The following KANSL1 variants were observed in gnomAD, a reference collection of about 807,000 sequenced individuals.
KANSL1 encodes the protein KAT8 regulatory NSL complex subunit 1.
In KANSL1, 22 loss-of-function variants were observed where a neutral mutation model predicts 103.6. The ratio of observed to expected loss-of-function variants is 0.21; its 90% confidence interval spans 0.15 to 0.30. The LOEUF (loss-of-function observed/expected upper bound fraction) is 0.30, where lower values mean the gene tolerates loss of function less well. Among genes scored for constraint, KANSL1 ranks in the 10% least tolerant of loss-of-function variants. The probability of loss-of-function intolerance (pLI) is 1.00; values close to 1 mark genes in which losing one functional copy is unlikely to be tolerated. For missense variants in KANSL1, 1,337 were observed against 1,399.8 expected (o/e 0.96, Z 0.72); for synonymous variants, 600 against 527.6 (o/e 1.14, Z -1.88).
At chr17:46,200,202 G>C (rs1176055549) in intron 1 of KANSL1, among the ~76,000 whole-genome samples, 1 of 152,212 alleles carries the variant, frequency 6.6e-6, no homozygotes, top group Non-Finnish European at 1.5e-5. Context: ...TGATTTTGCA[G>C]ATTAAGCAAT....
chr17:46,075,980 CAAG>C (rs2078752272), intron 4 of KANSL1, among the ~76,000 whole-genome samples: 1 of 152,166 alleles, frequency 6.6e-6, no homozygotes, highest in East Asian at 1.9e-4. Context: ...GTTGGAAGAA[CAAG>C]AAGCACTCAA....
In KANSL1 at chr17:46,031,582, T is replaced by C. The variant is rs1281406734; in HGVS notation, c.3212A>G (p.Lys1071Arg). 2 of 1,614,142 alleles carry C rather than the reference T, an allele frequency of 1.2e-6. No individual in the cohort carries two copies. Among genetic ancestry groups the C allele is most frequent in the Admixed American group, 3.3e-5 (2 of 60,022 alleles). Residue 1071 changes from lysine (K) to arginine (R), a missense_variant, in exon 15 of 15, where the codon AAG becomes AGG. Around this residue, in one of 2 missense-constraint regions of KANSL1, gnomAD observed 780 missense variants for 923.4 expected, o/e 0.84. Transcript: ENST00000432791. ...CGCTGCCTCTGTCTCCCGGCCAGTC[T>C]TGCTGCCTGAGGTGCGTCGAGTGCA... Reference protein sequence around the residue: ...ARCTRRTSGSKTGRETEAAPT... With the variant: ...ARCTRRTSGSRTGRETEAAPT...
At chr17:46,061,780 A>C (rs1176819002) in intron 6 of KANSL1, among the ~76,000 whole-genome samples, 2 of 152,162 alleles carry the variant, frequency 1.3e-5, no homozygotes, top group Non-Finnish European at 2.9e-5. Flanking sequence ...CTCTTGTGCC[A>C]ATCCATCCCA....
intron 7 of KANSL1, chr17:46,043,400 A>G (rs1222457094): frequency 2.6e-5 from 4 of 152,198 alleles, no homozygotes; most frequent in Non-Finnish European, 5.9e-5. Flanking sequence ...TCCTGGTTCT[A>G]TCTCGAGTAG....
chr17:46,194,152 A>G (rs1425609708), upstream of KANSL1, among the ~76,000 whole-genome samples: 1 of 152,102 alleles, frequency 6.6e-6, no homozygotes, highest in African/African-American at 2.4e-5. Context: ...AGGGGAAGTG[A>G]TGGCCCCGCC....
intron 2 of KANSL1, among the ~76,000 whole-genome samples, chr17:46,111,570 A>C (rs749486193): frequency 1.3e-5 from 2 of 152,246 alleles, no homozygotes; most frequent in Admixed American, 6.5e-5. Context: ...TTATACAACA[A>C]GTATAATCAA....
At chr17:46,090,636 T>C (rs905469331) in intron 3 of KANSL1, among the ~76,000 whole-genome samples, 4 of 152,258 alleles carry the variant, frequency 2.6e-5, no homozygotes, top group Admixed American at 6.5e-5. Context: ...CAAGTCCAAG[T>C]ATGGTGCTTA....
chr17:46,089,398 C>CTT (rs377351806), intron 3 of KANSL1, among the ~76,000 whole-genome samples: 69 of 145,374 alleles, frequency 4.7e-4, no homozygotes, highest in Non-Finnish European at 7.7e-4. Flanking sequence ...GTCACAAATA[C>CTT]TTTTTTTTTT....
intron 2 of KANSL1, among the ~76,000 whole-genome samples, chr17:46,117,815 GAC>G (rs2043109690): frequency 1.3e-5 from 2 of 152,130 alleles, no homozygotes; most frequent in South Asian, 4.1e-4. Flanking sequence ...AACTCAAAAA[GAC>G]ACAAAGATTT....
intron 2 of KANSL1, among the ~76,000 whole-genome samples, chr17:46,158,035 C>CT (rs887386803): frequency 6.6e-6 from 1 of 152,232 alleles, no homozygotes; most frequent in Non-Finnish European, 1.5e-5. Context: ...AACCCCAGAT[C>CT]TTTTTGTTAT....
chr17:46,191,392 G>A (rs904394349), intron 1 of KANSL1, among the ~76,000 whole-genome samples: 28 of 152,212 alleles, frequency 1.8e-4, no homozygotes, highest in Non-Finnish European at 3.4e-4. Flanking sequence ...GCTAGAAAAG[G>A]AACCAAGTAG....
chr17:46,183,771 C>A (rs2732587), intron 1 of KANSL1, among the ~76,000 whole-genome samples: 3 of 151,832 alleles, frequency 2.0e-5, no homozygotes, highest in Non-Finnish European at 4.4e-5. Context: ...GCCAACACAG[C>A]GAAACCCCGT....
chr17:46,043,990 T>TTAAAA (rs1555735841), intron 7 of KANSL1: 3 of 131,008 alleles, frequency 2.3e-5, no homozygotes, highest in Non-Finnish European at 3.3e-5. Context: ...CCCCAGTCAG[T>TTAAAA]AAAAAAAAAA....
At position 46,171,593 on chromosome 17, in the gene KANSL1, G is replaced by T. The variant is rs1366986871; in HGVS notation, c.551C>A (p.Thr184Asn). 33 of 1,589,778 alleles carry T rather than the reference G, an allele frequency of 2.1e-5. No homozygotes were observed. The highest frequency in any genetic ancestry group is 2.6e-5 in the Non-Finnish European group (30 of 1,170,478). Residue 184 changes from threonine to asparagine, a missense_variant, in exon 2 of 15, where the codon ACT becomes AAT. By Grantham distance (65) the Thr-to-Asn change is moderately conservative (BLOSUM62 0). Coordinates refer to ENST00000432791, the MANE Select transcript of KANSL1 (RefSeq NM_015443.4). The part of the protein sequence containing the change: ...TSLNGGKRAL[T>N]SSALHGGEMG... Reference sequence around the variant, plus strand: ...TTCACCCCCATGAAGAGCAGATGAAGTGAGAGCCCGTTTTCCCCCATTGAG... The same window carrying T: ...TTCACCCCCATGAAGAGCAGATGAATTGAGAGCCCGTTTTCCCCCATTGAG...
intron 3 of KANSL1, among the ~76,000 whole-genome samples, chr17:46,090,124 G>C (rs2146903289): frequency 6.6e-6 from 1 of 152,338 alleles, no homozygotes; most frequent in African/African-American, 2.4e-5. Flanking sequence ...CAGATGCAAA[G>C]AGAAAGATGG....
intron 2 of KANSL1, among the ~76,000 whole-genome samples, chr17:46,100,892 T>C (rs1479942763): frequency 1.3e-5 from 2 of 152,240 alleles, no homozygotes; most frequent in Admixed American, 6.5e-5. Flanking sequence ...TTGATTCTGA[T>C]TTCAGTCCCA....
chr17:46,148,430 G>A (rs2044857691), intron 2 of KANSL1, among the ~76,000 whole-genome samples: 1 of 152,064 alleles, frequency 6.6e-6, no homozygotes, highest in East Asian at 1.9e-4. Context: ...CATAAACAAG[G>A]GTAACCTATC....
At chr17:46,206,094 A>G (rs2047961083) in intron 1 of KANSL1, among the ~76,000 whole-genome samples, 1 of 151,906 alleles carries the variant, frequency 6.6e-6, no homozygotes, top group Non-Finnish European at 1.5e-5. Flanking sequence ...AAAAAAAAAA[A>G]AAAAAAAAAA....
chr17:46,169,102 A>C (rs2046153002), intron 2 of KANSL1, among the ~76,000 whole-genome samples: 2 of 152,230 alleles, frequency 1.3e-5, no homozygotes, highest in Non-Finnish European at 2.9e-5. Context: ...AAAATCCTTT[A>C]ACTACAGTGT....
Sources: allele counts gnomAD v4.1 joint callset (sites outside exome capture counted in the v4.1 genomes callset), GRCh38; gene constraint gnomAD v4.1.1; regional missense constraint gnomAD v4.1.1; transcripts MANE v1.5; gene names NCBI Gene and HGNC (gene_info 2026-07-23, HGNC 2026-07-21).